AAK1: variants seen among roughly 807,000 people sequenced by gnomAD.
AAK1 encodes AP2-associated protein kinase 1.
In AAK1, 37 loss-of-function variants were observed where a neutral mutation model predicts 116.0. The ratio of observed to expected loss-of-function variants is 0.32; its 90% CI spans 0.25 to 0.42. The LOEUF (loss-of-function observed/expected upper bound fraction) is 0.42. Among genes scored for constraint, AAK1 ranks in the 10% least tolerant of loss-of-function variants. The pLI is 1.00. For synonymous variants in AAK1, 458 were observed against 439.9 expected (o/e 1.04, Z -0.51); for missense variants, 919 against 1,170.6 (o/e 0.79, Z 3.14).
At chr2:69,582,542 C>T (rs1458493836) in intron 2 of AAK1, among the ~76,000 whole-genome samples, 2 of 152,298 alleles carry the variant, frequency 1.3e-5, no homozygotes, top group East Asian at 1.9e-4. Context: ...AATGACTTTG[C>T]AAATTCCTGT....
Position 69,501,628 on chromosome 2 carries a change from T to G in AAK1, c.2269+3941A>C, listed in dbSNP as rs369990552. The stretch of plus-strand genomic sequence containing the variant: ...AGTACTTTATTTTTTAAAAAAGAAT[T>G]TTAAAATATGTTACTATGTGTTCCT... On this transcript the variant is annotated intron_variant, in intron 16 of 21. Coordinates refer to ENST00000409085, the MANE Select transcript of AAK1 (RefSeq NM_014911.5). 2.3e-4 allele frequency among the ~76,000 whole-genome samples: 35 copies of G among 152,294 alleles called. No individual in the cohort carries two copies. In the South Asian group the frequency reaches 7.1e-3, roughly 31 times the overall value.
chr2:69,507,688 C>A, intron 14 of AAK1, 110 bp from the exon 15 acceptor site: 5 of 1,069,688 alleles, frequency 4.7e-6, no homozygotes, highest in Non-Finnish European at 5.2e-6. Flanking sequence ...TGGGTCAAAC[C>A]ATCATTTTCC....
rs143873299 is a variant in AAK1 at position 69,567,550 on chromosome 2, G to A, written c.164-10572C>T. 5.0e-3 allele frequency among the ~76,000 whole-genome samples: 766 copies of A among 152,126 alleles called. 7 individuals are homozygous for A. Among genetic ancestry groups the A allele is most frequent in the African/African-American group, 0.018 (729 of 41,478 alleles). ...CAATGTGTTTGCTGAGTACCATAAA[G>A]GATACCAATAAAAAATTTTAAAAAA... On this transcript the variant is annotated intron_variant, in intron 2 of 21. Coordinates refer to ENST00000409085, the MANE Select transcript of AAK1 (RefSeq NM_014911.5).
At position 69,458,711 on chromosome 2, in the gene AAK1, A is replaced by G. The variant is rs570640488; in HGVS notation, c.*17158T>C. The G allele has an allele frequency of 6.6e-6, 1 of 152,436 alleles. No individual in the cohort carries two copies. The highest frequency in any genetic ancestry group is 2.4e-5 in the African/African-American group (1 of 41,378). 9.4% of individuals were successfully genotyped at this position (152,436 alleles called of 1,614,324 possible). ...AGAAAGCATGAAGATGAATGAGCAC[A>G]CACACACACACACACACCCCATTCA... On this transcript the variant is annotated 3_prime_UTR_variant, in exon 22 of 22. Coordinates refer to ENST00000409085, the MANE Select transcript of AAK1 (RefSeq NM_014911.5).
At chr2:69,623,011 A>G (rs1674726194) in intron 2 of AAK1, among the ~76,000 whole-genome samples, 1 of 152,124 alleles carries the variant, frequency 6.6e-6, no homozygotes, top group Non-Finnish European at 1.5e-5. Context: ...CAGAGACATC[A>G]GTGGCAACCC....
intron 3 of AAK1, among the ~76,000 whole-genome samples, chr2:69,552,137 A>G (rs1449875995): frequency 1.3e-5 from 2 of 152,160 alleles, no homozygotes; most frequent in African/African-American, 4.8e-5. Flanking sequence ...TTCAGATTTA[A>G]AACAGTAAGA....
chr2:69,615,254 A>C (rs1674273320), intron 2 of AAK1, among the ~76,000 whole-genome samples: 1 of 152,146 alleles, frequency 6.6e-6, no homozygotes, highest in Admixed American at 6.5e-5. Flanking sequence ...TTCGCAGAGA[A>C]GCCCCGCAGG....
At chr2:69,495,443 C>T (rs919172135) in intron 17 of AAK1, among the ~76,000 whole-genome samples, 1 of 152,170 alleles carries the variant, frequency 6.6e-6, no homozygotes, top group East Asian at 1.9e-4. Context: ...TTTCAGGTAG[C>T]GGCAGAGCCT....
intron 16 of AAK1, among the ~76,000 whole-genome samples, chr2:69,502,844 G>A (rs1394155898): frequency 6.6e-6 from 1 of 152,134 alleles, no homozygotes; most frequent in Non-Finnish European, 1.5e-5. Flanking sequence ...TTATCTTAGA[G>A]AAACTGTAAA....
At chr2:69,596,193 T>C (rs1321639758) in intron 2 of AAK1, among the ~76,000 whole-genome samples, 1 of 151,934 alleles carries the variant, frequency 6.6e-6, no homozygotes, top group Admixed American at 6.6e-5. Context: ...ATACATTCTG[T>C]AGCTCATGGA....
intron 11 of AAK1, among the ~76,000 whole-genome samples, chr2:69,520,503 C>G (rs200096287): frequency 6.6e-6 from 1 of 151,878 alleles, no homozygotes; most frequent in African/African-American, 2.4e-5. Flanking sequence ...GGACTACAGG[C>G]GCACACCACA....
At chr2:69,555,054 T>G (rs1024311796) in intron 3 of AAK1, among the ~76,000 whole-genome samples, 1 of 151,774 alleles carries the variant, frequency 6.6e-6, no homozygotes, top group Non-Finnish European at 1.5e-5. Flanking sequence ...CACAAGTAAA[T>G]GAGCAAGAAG....
chr2:69,591,301 A>G (rs1673014237), intron 2 of AAK1, among the ~76,000 whole-genome samples: 2 of 152,158 alleles, frequency 1.3e-5, no homozygotes, highest in Non-Finnish European at 2.9e-5. Flanking sequence ...AATCAAAACC[A>G]GTAAGGTCTA....
intron 2 of AAK1, among the ~76,000 whole-genome samples, chr2:69,579,798 A>G (rs1672468143): frequency 6.6e-6 from 1 of 152,136 alleles, no homozygotes. Flanking sequence ...GATTTCACCC[A>G]TTAGGCATTT....
At chr2:69,612,552 T>C (rs4638817) in intron 2 of AAK1, among the ~76,000 whole-genome samples, 13,116 of 152,284 alleles carry the variant, frequency 0.086, 1,592 homozygotes, top group African/African-American at 0.27. Flanking sequence ...AGTTGTATTT[T>C]GGAGTCATTA....
intron 2 of AAK1, 82 bp downstream of exon 2, chr2:69,642,796 T>A: frequency 6.3e-7 from 1 of 1,584,682 alleles, no homozygotes; most frequent in Non-Finnish European, 8.6e-7. Context: ...CAAAGCCCAT[T>A]CATACATGCA....
rs1177175503 is a variant in AAK1, at chr2:69,472,712, G to A, written c.*3157C>T. 3.0e-6 allele frequency: 3 copies of A among 985,246 alleles called. No individual in the cohort carries two copies. The highest frequency in any genetic ancestry group is 6.2e-5 in the Admixed American group (1 of 16,260). 61.0% of individuals were successfully genotyped at this position (985,246 alleles called of 1,614,324 possible). A position where few individuals can be genotyped will look rare whatever the true frequency, so the allele number is the denominator to read the frequency against. On this transcript the variant is annotated 3_prime_UTR_variant, in exon 22 of 22. Transcript: ENST00000409085. ...TATAGTTACTCCTCTTACATAGCTG[G>A]AATAAAAGCAAATCAGAAACATATG...
chr2:69,574,549 C>T (rs896986663), intron 2 of AAK1, among the ~76,000 whole-genome samples: 2 of 151,804 alleles, frequency 1.3e-5, no homozygotes, highest in Admixed American at 6.6e-5. Flanking sequence ...AGCCACTGCA[C>T]TCCAGCCTGG....
At position 69,463,484 on chromosome 2, in the gene AAK1, A is replaced by G. The variant is rs1214396568; in HGVS notation, c.*12385T>C. 2 of 152,096 alleles carry G rather than the reference A, an allele frequency of 1.3e-5. No homozygotes were observed. Among genetic ancestry groups the G allele is most frequent in the East Asian group, 3.9e-4 (2 of 5,188 alleles). 9.4% of individuals were successfully genotyped at this position (152,096 alleles called of 1,614,324 possible). A position where few individuals can be genotyped will look rare whatever the true frequency, so the allele number is the denominator to read the frequency against. ...CAGCCTCCTGAGTAGCTACAGGCATATGTCACCATACCCAGCTAATTTTTT... is the reference window on the plus strand; with the variant it reads ...CAGCCTCCTGAGTAGCTACAGGCATGTGTCACCATACCCAGCTAATTTTTT... On this transcript the variant is annotated 3_prime_UTR_variant, in exon 22 of 22. Coordinates refer to ENST00000409085, the MANE Select transcript of AAK1 (RefSeq NM_014911.5).
Sources: allele counts gnomAD v4.1 joint callset (sites outside exome capture counted in the v4.1 genomes callset), GRCh38; gene constraint gnomAD v4.1.1; transcripts MANE v1.5; gene names NCBI Gene and HGNC (gene_info 2026-07-23, HGNC 2026-07-21).